Variants in TNS1 observed in about 807,000 individuals in gnomAD.
TNS1 encodes tensin-1.
TNS1 carries 62 observed loss-of-function variants against 168.6 expected under a neutral mutation model. The ratio of observed to expected loss-of-function variants is 0.37; its 90% CI spans 0.30 to 0.45. The LOEUF (loss-of-function observed/expected upper bound fraction) is 0.45, where lower values mean the gene tolerates loss of function less well. Ranked by LOEUF, TNS1 falls within the 20% of genes least tolerant of loss-of-function variation. TNS1 has a pLI of 1.00. For missense variants in TNS1, 2,240 were observed against 2,339.4 expected, an observed-to-expected ratio of 0.96 and a Z score of 0.88; for synonymous variants, 934 against 933.2, an observed-to-expected ratio of 1.00 and a Z score of -0.02.
At chr2:217,969,929 C>T (rs1357435101) in intron 3 of TNS1, among the ~76,000 whole-genome samples, 1 of 152,046 alleles carries the variant, frequency 6.6e-6, no homozygotes, top group Non-Finnish European at 1.5e-5. Flanking sequence ...AAAGTAGGGT[C>T]GTTACAGATG....
chr2:217,888,965 C>A (rs927850764), intron 12 of TNS1, among the ~76,000 whole-genome samples: 1 of 152,214 alleles, frequency 6.6e-6, no homozygotes, highest in African/African-American at 2.4e-5. Context: ...CCCATTCTCT[C>A]CAAGCCACAC....
chr2:217,963,119 G>T (rs1362894637), intron 3 of TNS1, among the ~76,000 whole-genome samples: 1 of 152,136 alleles, frequency 6.6e-6, no homozygotes, highest in Non-Finnish European at 1.5e-5. Flanking sequence ...TCAGATGAGG[G>T]TCAGAGGATA....
At chr2:217,963,520 A>G (rs775155286) in intron 3 of TNS1, among the ~76,000 whole-genome samples, 2 of 152,192 alleles carry the variant, frequency 1.3e-5, no homozygotes, top group Non-Finnish European at 2.9e-5. Flanking sequence ...TGCGCACTTG[A>G]GAAAATGGCC....
intron 8 of TNS1, among the ~76,000 whole-genome samples, chr2:217,896,498 G>A (rs1481488544): frequency 2.0e-5 from 3 of 152,178 alleles, no homozygotes; most frequent in Admixed American, 1.3e-4. Flanking sequence ...TTGGAGTGAT[G>A]CGCTACAAAC....
intron 1 of TNS1, among the ~76,000 whole-genome samples, chr2:218,025,032 C>G (rs1574484201): frequency 6.6e-6 from 1 of 152,312 alleles, no homozygotes; most frequent in Non-Finnish European, 1.5e-5. Context: ...AGGCCTAGGC[C>G]TGGAGGGAGC....
intron 32 of TNS1, among the ~76,000 whole-genome samples, chr2:217,805,505 C>T (rs1048197481): frequency 1.4e-5 from 1 of 69,642 alleles, no homozygotes; most frequent in African/African-American, 6.9e-5. Context: ...CCACACACAC[C>T]ACCACACACA....
chr2:217,980,386 T>TG (rs1208720002), intron 2 of TNS1, among the ~76,000 whole-genome samples: 1 of 152,026 alleles, frequency 6.6e-6, no homozygotes, highest in African/African-American at 2.4e-5. Context: ...TGTTCCCTCT[T>TG]GGACACCAGC....
intron 1 of TNS1, among the ~76,000 whole-genome samples, chr2:218,021,503 T>C (rs887560422): frequency 3.9e-5 from 6 of 152,200 alleles, no homozygotes; most frequent in Non-Finnish European, 1.5e-5. Flanking sequence ...ACAACGCAAC[T>C]GCTGCCTGGC....
In TNS1 at chr2:217,848,362, C is replaced by G; in HGVS notation, c.2155G>C (p.Glu719Gln). 3.9e-6 allele frequency: 6 copies of G among 1,541,504 alleles called. No individual in the cohort carries two copies. The highest frequency in any genetic ancestry group is 5.3e-6 in the Non-Finnish European group (6 of 1,141,956). ...TGTGGCCAGGCTGGGTGGGGCCCCTCCCTCTGGTAGCCAGCTAAACCCTCC... is the reference window on the plus strand; with the variant it reads ...TGTGGCCAGGCTGGGTGGGGCCCCTGCCTCTGGTAGCCAGCTAAACCCTCC... ...AQEGLAGYQR[E>Q]GPHPAWPQPV... The change falls in exon 19 of 33, where the codon GAG (glutamate) becomes CAG (glutamine). Residue 719 changes from glutamate (E) to glutamine (Q), a missense_variant. By Grantham distance (29) the Glu-to-Gln change is conservative. This residue lies in a region of TNS1 where 2,131 missense variants were observed against 2,171.2 expected (regional missense o/e 0.98). Coordinates refer to ENST00000682258, the MANE Select transcript of TNS1 (RefSeq NM_001387777.1).
intron 18 of TNS1, among the ~76,000 whole-genome samples, chr2:217,866,251 C>A (rs1457676411): frequency 6.6e-6 from 1 of 152,232 alleles, no homozygotes; most frequent in Non-Finnish European, 1.5e-5. Context: ...TTTGGACAGG[C>A]CTCAGTTTAC....
intron 3 of TNS1, among the ~76,000 whole-genome samples, chr2:217,939,040 C>T (rs1170681118): frequency 6.6e-6 from 1 of 152,090 alleles, no homozygotes; most frequent in African/African-American, 2.4e-5. Context: ...ATCACCACCA[C>T]CACCAATAAT....
Position 217,804,258 on chromosome 2 carries a change from CT to C in TNS1, c.*200del. On this transcript the variant is annotated 3_prime_UTR_variant, in exon 33 of 33. Coordinates refer to ENST00000682258, the MANE Select transcript of TNS1 (RefSeq NM_001387777.1). The stretch of plus-strand genomic sequence containing the variant: ...ATCCAAGTTCTTCTCCTCCATCTTT[CT>C]CTCTCTCTCTCTCTCTCTCTCTCTC... The C allele has an allele frequency of 4.3e-6, 1 of 235,116 alleles. No individual in the cohort carries two copies. Among genetic ancestry groups the C allele is most frequent in the East Asian group, 1.9e-4 (1 of 5,176 alleles). 14.6% of individuals were successfully genotyped at this position (235,116 alleles called of 1,614,324 possible).
At chr2:217,936,149 C>A (rs374530079) in intron 3 of TNS1, among the ~76,000 whole-genome samples, 30 of 152,306 alleles carry the variant, frequency 2.0e-4, no homozygotes, top group African/African-American at 7.0e-4. Context: ...TGGCTGCCTC[C>A]GAGCAATCAG....
At chr2:218,030,933 G>A (rs1239265048) in intron 1 of TNS1, among the ~76,000 whole-genome samples, 1 of 152,156 alleles carries the variant, frequency 6.6e-6, no homozygotes, top group African/African-American at 2.4e-5. Context: ...GAGTGTGTGA[G>A]CATAAGTATG....
At chr2:217,884,943 A>G (rs1951047378) in intron 16 of TNS1, 92 bp downstream of exon 16, 2 of 1,523,682 alleles carry the variant, frequency 1.3e-6, no homozygotes, top group African/African-American at 1.4e-5. Context: ...TGGTCCAGAA[A>G]AGATGGTCCC....
intron 3 of TNS1, among the ~76,000 whole-genome samples, chr2:217,945,564 G>A (rs1957083149): frequency 1.3e-5 from 2 of 152,190 alleles, no homozygotes; most frequent in Non-Finnish European, 2.9e-5. Context: ...TGGAAAGAGG[G>A]TCTGGGTTCT....
At chr2:217,920,542 C>A (rs1189766919) in intron 3 of TNS1, among the ~76,000 whole-genome samples, 1 of 150,250 alleles carries the variant, frequency 6.7e-6, no homozygotes, top group African/African-American at 2.5e-5. Flanking sequence ...ATAACAGAAG[C>A]TTCAGGTAAT....
rs372579940 is a variant in TNS1 at position 217,877,354 on chromosome 2, G to T, written c.1429+3544C>A. 2.4e-4 allele frequency among the ~76,000 whole-genome samples: 36 copies of T among 152,330 alleles called. No homozygotes were observed. The South Asian group carries it at 6.8e-3, about 29-fold the overall frequency. On this transcript the variant is annotated intron_variant, in intron 18 of 32. Transcript: ENST00000682258. ...GCTGTTAAGCTGAGCTCCAAGGGAG[G>T]TAGAAAGGGATTTGGATTCCAATAT...
chr2:217,937,899 C>T lies in TNS1; in HGVS notation c.187-17663G>A, dbSNP rs1956705793. ...TCCGCTTCCCCTGAAGCCCTCTTCCCCACCCCTATCCCCTAACCCAGCACC... is the reference window on the plus strand; with the variant it reads ...TCCGCTTCCCCTGAAGCCCTCTTCCTCACCCCTATCCCCTAACCCAGCACC... On this transcript the variant is annotated intron_variant, in intron 3 of 32. Coordinates refer to ENST00000682258, the MANE Select transcript of TNS1 (RefSeq NM_001387777.1). Among the ~76,000 whole-genome samples, 3 of 152,184 alleles carry T rather than the reference C, an allele frequency of 2.0e-5. No homozygotes were observed. The South Asian group carries it at 6.2e-4, about 32-fold the overall frequency.
Sources: allele counts gnomAD v4.1 joint callset (sites outside exome capture counted in the v4.1 genomes callset), GRCh38; gene constraint gnomAD v4.1.1; regional missense constraint gnomAD v4.1.1; transcripts MANE v1.5; gene names NCBI Gene and HGNC (gene_info 2026-07-23, HGNC 2026-07-21).